Variants in PREP observed in about 807,000 individuals in gnomAD.
PREP encodes the protein dJ355L5.1 (prolyl endopeptidase).
A neutral mutation model predicts 87.6 loss-of-function variants in PREP; 29 were observed. That is an observed-to-expected ratio of 0.33 (90% CI 0.25 to 0.45). The LOEUF is 0.45. Ranked by LOEUF, PREP falls within the 20% of genes least tolerant of loss-of-function variation. PREP has a pLI of 1.00. For synonymous variants in PREP, 337 were observed against 328.6 expected (o/e 1.03, Z -0.28); for missense variants, 695 against 886.5 (o/e 0.78, Z 2.74).
chr6:105,302,560 T>C lies in PREP; in HGVS notation c.1318-13666A>G, dbSNP rs1194004894. On this transcript the variant is annotated intron_variant, in intron 10 of 14. Coordinates refer to ENST00000652536, the MANE Select transcript of PREP (RefSeq NM_002726.5). Reference sequence around the variant, plus strand: ...TTGCTGGGCCAGTGGCGCAGGCGCATGTTTTCTCAGGCCGCAGGTCCAGGG... The same window carrying C: ...TTGCTGGGCCAGTGGCGCAGGCGCACGTTTTCTCAGGCCGCAGGTCCAGGG... The C allele has an allele frequency of 1.0e-5, 4 of 396,242 alleles. No homozygotes were observed. In the Admixed American group the frequency reaches 1.3e-4, roughly 13 times the overall value. The allele number at this position is 396,242 out of a possible 1,614,324, so 24.5% of individuals were successfully genotyped here.
chr6:105,328,785 A>G (rs774814894), intron 9 of PREP, 44 bp downstream of exon 9: 8 of 1,589,246 alleles, frequency 5.0e-6, no homozygotes, highest in South Asian at 4.4e-5. Flanking sequence ...CCCAAACACC[A>G]GTCGGATTTT....
intron 7 of PREP, among the ~76,000 whole-genome samples, chr6:105,349,201 C>A (rs1482319898): frequency 1.3e-5 from 2 of 152,174 alleles, no homozygotes; most frequent in African/African-American, 4.8e-5. Flanking sequence ...ATGTGATCCA[C>A]AGCTTGCAAC....
intron 14 of PREP, among the ~76,000 whole-genome samples, chr6:105,280,130 G>A (rs1009694545): frequency 2.0e-5 from 3 of 152,136 alleles, no homozygotes; most frequent in Non-Finnish European, 4.4e-5. Flanking sequence ...CAAAATGAAA[G>A]AGCAAACTTT....
In PREP at chr6:105,274,246, G is replaced by T. The variant is rs985663695; in HGVS notation, c.*3898C>A. Reference sequence around the variant, plus strand: ...GGTGTCTAATGAGGGTTGCTTCCTGGTTCATAGGTGACACCGTCTCCTGTG... The same window carrying T: ...GGTGTCTAATGAGGGTTGCTTCCTGTTTCATAGGTGACACCGTCTCCTGTG... On this transcript the variant is annotated 3_prime_UTR_variant, in exon 15 of 15. Transcript: ENST00000652536. Among the ~76,000 whole-genome samples the T allele has an allele frequency of 1.3e-5, 2 of 151,132 alleles. No homozygotes were observed. The highest frequency in any genetic ancestry group is 6.6e-5 in the Admixed American group (1 of 15,212).
chr6:105,339,751 C>A (rs1394971766), intron 7 of PREP, among the ~76,000 whole-genome samples: 2 of 152,142 alleles, frequency 1.3e-5, no homozygotes, highest in Non-Finnish European at 1.5e-5. Flanking sequence ...GCACAAGCTT[C>A]AGTAGCCGAT....
intron 6 of PREP, among the ~76,000 whole-genome samples, chr6:105,361,287 A>G (rs1239659308): frequency 6.6e-6 from 1 of 152,148 alleles, no homozygotes; most frequent in Non-Finnish European, 1.5e-5. Flanking sequence ...ACAAAACCTA[A>G]TATTTATATA....
At chr6:105,395,300 T>A (rs528855318) in intron 2 of PREP, among the ~76,000 whole-genome samples, 1 of 152,342 alleles carries the variant, frequency 6.6e-6, no homozygotes, top group South Asian at 2.1e-4. Context: ...TGCAAAGTAT[T>A]ACACCCAGTC....
Position 105,389,500 on chromosome 6 carries a change from T to C in PREP, c.120+8353A>G, listed in dbSNP as rs576351557. On this transcript the variant is annotated intron_variant, in intron 2 of 14. Coordinates refer to ENST00000652536, the MANE Select transcript of PREP (RefSeq NM_002726.5). ...ATCCACACAGATATCCCCAGTTTGTTATAAAGTTTTCAAAGAACACTGTAC... is the reference window on the plus strand; with the variant it reads ...ATCCACACAGATATCCCCAGTTTGTCATAAAGTTTTCAAAGAACACTGTAC... Among the ~76,000 whole-genome samples the C allele has an allele frequency of 3.5e-4, 53 of 152,318 alleles. 2 individuals are homozygous for C. The South Asian group carries it at 0.011, about 30-fold the overall frequency.
chr6:105,376,414 C>T (rs1356297237), intron 3 of PREP, among the ~76,000 whole-genome samples, 159 bp from the exon 4 acceptor site: 1 of 152,174 alleles, frequency 6.6e-6, no homozygotes, highest in African/African-American at 2.4e-5. Context: ...TGAAAGGTTC[C>T]ATCATTTCTC....
intron 6 of PREP, among the ~76,000 whole-genome samples, chr6:105,357,060 CCT>C (rs1432598875): frequency 2.6e-5 from 4 of 152,134 alleles, no homozygotes; most frequent in African/African-American, 9.7e-5. Context: ...ATTCTATTAT[CCT>C]TAAGCTTTTA....
At chr6:105,289,439 C>T (rs1389861355) in intron 10 of PREP, among the ~76,000 whole-genome samples, 2 of 152,156 alleles carry the variant, frequency 1.3e-5, no homozygotes, top group African/African-American at 4.8e-5. Flanking sequence ...ATGCTAGCAG[C>T]AACAAAATTT....
chr6:105,398,203 C>A (rs1470699209), intron 1 of PREP, among the ~76,000 whole-genome samples: 1 of 152,186 alleles, frequency 6.6e-6, no homozygotes, highest in African/African-American at 2.4e-5. Context: ...AAAACAAAGA[C>A]CTGCCACTGT....
At chr6:105,280,743 T>A (rs1487033669) in intron 14 of PREP, 1 of 152,114 alleles carries the variant, frequency 6.6e-6, no homozygotes, top group Non-Finnish European at 1.5e-5. Flanking sequence ...GCTAATTATT[T>A]GTAGAGACAG....
rs771069236 is a variant in PREP, at chr6:105,364,493, G to A, written c.717+4410C>T. On this transcript the variant is annotated intron_variant, in intron 6 of 14. Transcript: ENST00000652536. The stretch of plus-strand genomic sequence containing the variant: ...TCAGTGAACTTGGACTGCGGCAGCC[G>A]AAGGGGAGGTTGACGACAGCAAGCC... Among the ~76,000 whole-genome samples, 48 of 152,294 alleles carry A rather than the reference G, an allele frequency of 3.2e-4. 1 individual carries two copies. In the Middle Eastern group the frequency reaches 0.014, roughly 43 times the overall value.
At chr6:105,293,044 G>T (rs1163181906) in intron 10 of PREP, among the ~76,000 whole-genome samples, 1 of 152,222 alleles carries the variant, frequency 6.6e-6, no homozygotes, top group African/African-American at 2.4e-5. Flanking sequence ...CCCCATATCA[G>T]ATATAAGGCA....
At chr6:105,379,551 T>C (rs1052823360) in intron 2 of PREP, among the ~76,000 whole-genome samples, 2 of 152,162 alleles carry the variant, frequency 1.3e-5, no homozygotes, top group African/African-American at 4.8e-5. Context: ...TAAAGTCCCC[T>C]GGTTAAGGTC....
Position 105,274,802 on chromosome 6 carries a change from T to C in PREP, c.*3342A>G, listed in dbSNP as rs1769902882. Among the ~76,000 whole-genome samples the C allele has an allele frequency of 2.0e-5, 3 of 152,140 alleles. No homozygotes were observed. The South Asian group carries it at 6.2e-4, about 32-fold the overall frequency. ...AGTGCAGTATCCAAGGCCCAGCTCC[T>C]GGGGTTACTGCCCTGCCTGCCCACC... On this transcript the variant is annotated 3_prime_UTR_variant, in exon 15 of 15. Transcript: ENST00000652536.
intron 6 of PREP, among the ~76,000 whole-genome samples, chr6:105,366,461 C>T (rs187207602): frequency 2.0e-5 from 3 of 152,302 alleles, no homozygotes; most frequent in Admixed American, 2.0e-4. Context: ...CCTTCCTTCT[C>T]AGACTGTAGT....
At chr6:105,392,193 C>A (rs1415886947) in intron 2 of PREP, among the ~76,000 whole-genome samples, 2 of 151,826 alleles carry the variant, frequency 1.3e-5, no homozygotes, top group African/African-American at 4.8e-5. Context: ...TGCCCGCCAC[C>A]ATGCTGGGCT....
Sources: allele counts gnomAD v4.1 joint callset (sites outside exome capture counted in the v4.1 genomes callset), GRCh38; gene constraint gnomAD v4.1.1; transcripts MANE v1.5; gene names NCBI Gene and HGNC (gene_info 2026-07-23, HGNC 2026-07-21).